The following DLG2 variants were observed in gnomAD, a reference collection of about 807,000 sequenced individuals.
DLG2 encodes the protein discs large MAGUK scaffold protein 2, also known as disks large homolog 2.
Under a neutral mutation model 132.5 loss-of-function variants are expected in DLG2, and 45 were observed. That is an observed-to-expected ratio of 0.34 (90% CI 0.27 to 0.44). The LOEUF (loss-of-function observed/expected upper bound fraction) is 0.44, where lower values mean the gene tolerates loss of function less well. Among genes scored for constraint, DLG2 ranks in the 20% least tolerant of loss-of-function variants. The pLI, the probability that DLG2 is intolerant of heterozygous loss-of-function variation, is 1.00. For missense variants in DLG2, 1,045 were observed against 1,196.9 expected, an observed-to-expected ratio of 0.87 and a Z score of 1.87; for synonymous variants, 424 against 419.6, an observed-to-expected ratio of 1.01 and a Z score of -0.13.
chr11:84,079,679 T>C (rs911285169), intron 10 of DLG2, among the ~76,000 whole-genome samples: 1 of 152,196 alleles, frequency 6.6e-6, no homozygotes, highest in Admixed American at 6.5e-5. Flanking sequence ...CAATTTAGTT[T>C]TGTCATTTCC....
In DLG2 at chr11:83,887,839, A is replaced by G. The variant is rs531845627; in HGVS notation, c.1497-13351T>C. On this transcript the variant is annotated intron_variant, in intron 15 of 27. Transcript: ENST00000376104. ...TAATCCAGCATATAAACGGAACCAA[A>G]GACAAAAACCACAGGATTATCTCAA... Among the ~76,000 whole-genome samples, 706 of 145,968 alleles carry G rather than the reference A, an allele frequency of 4.8e-3. 1 individual carries two copies. Among genetic ancestry groups the G allele is most frequent in the Non-Finnish European group, 8.4e-3 (564 of 67,544 alleles).
intron 19 of DLG2, among the ~76,000 whole-genome samples, chr11:83,545,986 T>C (rs1460255709): frequency 1.3e-5 from 2 of 152,164 alleles, no homozygotes; most frequent in Non-Finnish European, 2.9e-5. Flanking sequence ...TTTTATAAAA[T>C]GCCATTAAGA....
intron 3 of DLG2, among the ~76,000 whole-genome samples, chr11:85,377,941 G>T (rs182852096): frequency 1.3e-5 from 2 of 150,856 alleles, no homozygotes; most frequent in Admixed American, 1.3e-4. Flanking sequence ...CCTTTTATTA[G>T]TTATAAGGAG....
At chr11:83,743,429 A>ATTTTT (rs35572754) in intron 18 of DLG2, among the ~76,000 whole-genome samples, 5 of 103,790 alleles carry the variant, frequency 4.8e-5, no homozygotes, top group Admixed American at 9.8e-5. Context: ...TGGGCAGGCC[A>ATTTTT]TTTTTTTTTT....
Position 84,431,666 on chromosome 11 carries a change from T to G in DLG2, c.519+102904A>C, listed in dbSNP as rs892371211. Among the ~76,000 whole-genome samples the G allele has an allele frequency of 7.6e-4, 115 of 152,286 alleles. 1 individual carries two copies. Among genetic ancestry groups the G allele is most frequent in the African/African-American group, 2.7e-3 (114 of 41,580 alleles). On this transcript the variant is annotated intron_variant, in intron 7 of 27. Coordinates refer to ENST00000376104, the MANE Select transcript of DLG2 (RefSeq NM_001142699.3). ...TCAGTGTTCCATATAATACTCTGTA[T>G]GAAAACTATTATTAATATTACCAGA...
chr11:85,033,244 C>G (rs894699506), intron 6 of DLG2, among the ~76,000 whole-genome samples: 2 of 152,026 alleles, frequency 1.3e-5, no homozygotes, highest in African/African-American at 4.8e-5. Flanking sequence ...GGAAGGCAAG[C>G]ATTCCATTAA....
At chr11:85,085,800 C>G (rs1033844699) in intron 6 of DLG2, among the ~76,000 whole-genome samples, 11 of 152,118 alleles carry the variant, frequency 7.2e-5, no homozygotes, top group Non-Finnish European at 1.6e-4. Flanking sequence ...ACTCCAAAGT[C>G]AGTGTCCTTA....
rs112483358 is a variant in DLG2, at chr11:85,520,041, AT to A, written c.40+78615del. The stretch of plus-strand genomic sequence containing the variant: ...GAAAGTGGACTAATGCACCTGGCTA[AT>A]TTTTTTTTTTTTATATTTGGTGGAG... On this transcript the variant is annotated intron_variant, in intron 3 of 27. Transcript: ENST00000376104. Among the ~76,000 whole-genome samples the A allele has an allele frequency of 6.7e-3, 987 of 146,912 alleles. 4 individuals carry two copies. Among genetic ancestry groups the A allele is most frequent in the Middle Eastern group, 0.039 (11 of 284 alleles).
At chr11:84,386,899 TTTGCCTTTA>T (rs1396219017) in intron 7 of DLG2, among the ~76,000 whole-genome samples, 1 of 152,284 alleles carries the variant, frequency 6.6e-6, no homozygotes, top group Non-Finnish European at 1.5e-5. Context: ...TCCTACGCTA[TTTGCCTTTA>T]TTGCCTTTAT....
intron 16 of DLG2, among the ~76,000 whole-genome samples, chr11:83,860,236 G>C (rs2061230135): frequency 6.6e-6 from 1 of 152,170 alleles, no homozygotes; most frequent in Admixed American, 6.5e-5. Flanking sequence ...CAGAATGATA[G>C]ATCCACTGAC....
intron 6 of DLG2, among the ~76,000 whole-genome samples, chr11:84,698,791 CGT>C (rs2058886885): frequency 7.1e-6 from 1 of 140,550 alleles, no homozygotes; most frequent in Non-Finnish European, 1.6e-5. Flanking sequence ...TATACTGTTG[CGT>C]TTTTTTTGTT....
At chr11:84,000,850 T>G (rs576808972) in intron 11 of DLG2, among the ~76,000 whole-genome samples, 1 of 152,126 alleles carries the variant, frequency 6.6e-6, no homozygotes, top group South Asian at 2.1e-4. Flanking sequence ...CTATAAGAAA[T>G]GCTCAAGGGA....
intron 19 of DLG2, among the ~76,000 whole-genome samples, chr11:83,612,313 T>C (rs1590927380): frequency 6.6e-6 from 1 of 152,232 alleles, no homozygotes; most frequent in Non-Finnish European, 1.5e-5. Context: ...ATTTTCCTAA[T>C]TGTAAAAATA....
At chr11:85,020,022 A>T (rs1019473962) in intron 6 of DLG2, among the ~76,000 whole-genome samples, 1 of 152,202 alleles carries the variant, frequency 6.6e-6, no homozygotes, top group African/African-American at 2.4e-5. Context: ...TTCTACTTCT[A>T]GATCCTTGGG....
chr11:84,079,278 G>GTTTTTTTTTTTTTTTTTTTTT (rs34283629), intron 10 of DLG2, among the ~76,000 whole-genome samples: 2 of 147,264 alleles, frequency 1.4e-5, no homozygotes, highest in Non-Finnish European at 1.5e-5. Context: ...TTTTTGGTTT[G>GTTTTTTTTTTTTTTTTTTTTT]TTTTTTTTTT....
At chr11:85,030,709 T>C (rs147028791) in intron 6 of DLG2, among the ~76,000 whole-genome samples, 1 of 152,264 alleles carries the variant, frequency 6.6e-6, no homozygotes, top group African/African-American at 2.4e-5. Flanking sequence ...CATGAAATTT[T>C]TGGTATTATT....
chr11:83,756,751 T>C (rs952446759), intron 18 of DLG2, among the ~76,000 whole-genome samples: 3 of 151,410 alleles, frequency 2.0e-5, no homozygotes, highest in Non-Finnish European at 2.9e-5. Context: ...AAAATTTCCA[T>C]CTTTATAATC....
chr11:85,395,173 T>A (rs1179301902), intron 3 of DLG2, among the ~76,000 whole-genome samples: 1 of 152,154 alleles, frequency 6.6e-6, no homozygotes, highest in Non-Finnish European at 1.5e-5. Context: ...AACAGGTACA[T>A]AAACATATAA....
intron 6 of DLG2, among the ~76,000 whole-genome samples, chr11:84,572,569 G>A (rs900596064): frequency 4.6e-5 from 7 of 152,088 alleles, no homozygotes; most frequent in Non-Finnish European, 8.8e-5. Context: ...ACCCAGTTAA[G>A]CCTGACCTAA....
Sources: allele counts gnomAD v4.1 joint callset (sites outside exome capture counted in the v4.1 genomes callset), GRCh38; gene constraint gnomAD v4.1.1; transcripts MANE v1.5; gene names NCBI Gene and HGNC (gene_info 2026-07-23, HGNC 2026-07-21).